The following GABBR2 variants were observed in gnomAD, a reference collection of about 807,000 sequenced individuals.
GABBR2 encodes gamma-aminobutyric acid type B receptor subunit 2.
In GABBR2, 23 loss-of-function variants were observed where a neutral mutation model predicts 105.6. The observed-to-expected ratio is 0.22, with a 90% confidence interval of 0.16 to 0.31. The LOEUF is 0.31. GABBR2 is among the 10% of genes least tolerant of loss of function. The pLI is 1.00. For missense variants in GABBR2, 734 were observed against 1,245.5 expected (o/e 0.59, Z 6.18); for synonymous variants, 478 against 499.7 (o/e 0.96, Z 0.58).
At position 98,607,356 on chromosome 9, in the gene GABBR2, T is replaced by C. The variant is rs142340869; in HGVS notation, c.322-29284A>G. ...CAGGACATGGACTTAAACCATTGAATATTGAGTTTATGAAGCGTTTGCATG... is the reference window on the plus strand; with the variant it reads ...CAGGACATGGACTTAAACCATTGAACATTGAGTTTATGAAGCGTTTGCATG... On this transcript the variant is annotated intron_variant, in intron 1 of 18. Transcript: ENST00000259455. The C allele has an allele frequency of 6.0e-4, 432 of 722,842 alleles. 2 individuals are homozygous for C. In the African/African-American group the frequency reaches 6.4e-3, roughly 11 times the overall value. The allele number at this position is 722,842 out of a possible 1,614,324, so 44.8% of individuals were successfully genotyped here. A position where few individuals can be genotyped will look rare whatever the true frequency, so the allele number is the denominator to read the frequency against.
At chr9:98,457,914 G>C (rs1826354540) in intron 6 of GABBR2, among the ~76,000 whole-genome samples, 1 of 152,202 alleles carries the variant, frequency 6.6e-6, no homozygotes, top group African/African-American at 2.4e-5. Context: ...ACCGAATGCT[G>C]ATTAATTACC....
chr9:98,451,404 A>G (rs1450962220), intron 7 of GABBR2, among the ~76,000 whole-genome samples: 1 of 152,206 alleles, frequency 6.6e-6, no homozygotes, highest in Non-Finnish European at 1.5e-5. Context: ...GTGCTACAGA[A>G]ATGGACTTCG....
chr9:98,667,713 T>C (rs938810632), intron 1 of GABBR2, among the ~76,000 whole-genome samples: 5 of 152,208 alleles, frequency 3.3e-5, no homozygotes, highest in African/African-American at 4.8e-5. Flanking sequence ...TTGTGGAGAA[T>C]AGCCCTGCAA....
At chr9:98,291,926 G>A (rs1392454228) in intron 18 of GABBR2, among the ~76,000 whole-genome samples, 2 of 152,256 alleles carry the variant, frequency 1.3e-5, no homozygotes, top group Non-Finnish European at 2.9e-5. Context: ...CTGGAGGCAA[G>A]ATGGAGCTGG....
At chr9:98,641,183 G>T (rs962900792) in intron 1 of GABBR2, among the ~76,000 whole-genome samples, 7 of 150,896 alleles carry the variant, frequency 4.6e-5, no homozygotes, top group Non-Finnish European at 1.0e-4. Context: ...GCCCAGGCTG[G>T]AGTGCAGTGG....
At chr9:98,467,383 T>G (rs1826581451) in intron 6 of GABBR2, among the ~76,000 whole-genome samples, 1 of 152,134 alleles carries the variant, frequency 6.6e-6, no homozygotes, top group Non-Finnish European at 1.5e-5. Context: ...CCCATGCCCC[T>G]CTGACATAGT....
Position 98,324,076 on chromosome 9 carries a change from C to T in GABBR2, c.1894-12871G>A, listed in dbSNP as rs150510469. On this transcript the variant is annotated intron_variant, in intron 13 of 18. Coordinates refer to ENST00000259455, the MANE Select transcript of GABBR2 (RefSeq NM_005458.8). ...AGCCCAGGAGTGGGCTGGAACTTAC[C>T]CAAGCTCACACATCAAGAATTCAGG... Among the ~76,000 whole-genome samples, 271 of 152,258 alleles carry T rather than the reference C, an allele frequency of 1.8e-3. 2 individuals carry two copies. The highest frequency in any genetic ancestry group is 0.016 in the Admixed American group (249 of 15,288).
intron 11 of GABBR2, among the ~76,000 whole-genome samples, chr9:98,380,337 C>T (rs1831949673): frequency 6.6e-6 from 1 of 152,222 alleles, no homozygotes; most frequent in Admixed American, 6.5e-5. Flanking sequence ...CGCCTGGAGC[C>T]TCCTCATCCT....
chr9:98,295,673 G>A (rs1356161057), intron 17 of GABBR2, among the ~76,000 whole-genome samples: 2 of 152,020 alleles, frequency 1.3e-5, no homozygotes, highest in Non-Finnish European at 2.9e-5. Context: ...CTACAGGCAC[G>A]TGCTACCATG....
intron 13 of GABBR2, among the ~76,000 whole-genome samples, chr9:98,343,727 G>A (rs188380129): frequency 1.3e-5 from 2 of 151,980 alleles, no homozygotes; most frequent in Admixed American, 6.6e-5. Flanking sequence ...GTATGGTGGC[G>A]GACGCCTGTA....
intron 1 of GABBR2, among the ~76,000 whole-genome samples, chr9:98,688,355 C>T (rs1486439739): frequency 2.0e-5 from 3 of 146,762 alleles, no homozygotes; most frequent in African/African-American, 7.6e-5. Flanking sequence ...ACTTTTATGA[C>T]CTATCCAAAT....
intron 7 of GABBR2, among the ~76,000 whole-genome samples, chr9:98,439,112 G>A (rs1268622916): frequency 6.6e-6 from 1 of 151,770 alleles, no homozygotes; most frequent in Non-Finnish European, 1.5e-5. Flanking sequence ...AAAAAAAACT[G>A]AAAAAAGAGT....
intron 1 of GABBR2, among the ~76,000 whole-genome samples, chr9:98,602,754 G>A (rs956103736): frequency 1.3e-5 from 2 of 152,186 alleles, no homozygotes; most frequent in Non-Finnish European, 2.9e-5. Context: ...AAGTTCTCAC[G>A]GAGATGCTCG....
intron 13 of GABBR2, among the ~76,000 whole-genome samples, chr9:98,341,161 C>T (rs904634150): frequency 6.6e-6 from 1 of 152,234 alleles, no homozygotes; most frequent in African/African-American, 2.4e-5. Flanking sequence ...ACTGCAATCT[C>T]TCGTGAATCC....
chr9:98,499,439 G>A (rs1451139630), intron 3 of GABBR2, among the ~76,000 whole-genome samples: 3 of 152,164 alleles, frequency 2.0e-5, no homozygotes, highest in African/African-American at 7.2e-5. Context: ...AACCAGAACA[G>A]GCCAGAACAG....
intron 7 of GABBR2, among the ~76,000 whole-genome samples, chr9:98,430,288 C>CA (rs55760467): frequency 0.064 from 5,655 of 87,986 alleles, 246 homozygotes; most frequent in East Asian, 0.18. Flanking sequence ...GACTCCGTCT[C>CA]AAAAAAAAAA....
intron 1 of GABBR2, among the ~76,000 whole-genome samples, chr9:98,697,401 G>T (rs1051539209): frequency 2.0e-5 from 3 of 151,700 alleles, no homozygotes; most frequent in African/African-American, 7.3e-5. Context: ...GGAGGCAGGA[G>T]AATGGCGTGA....
chr9:98,347,749 G>A (rs539784387), intron 13 of GABBR2, among the ~76,000 whole-genome samples: 168 of 152,190 alleles, frequency 1.1e-3, no homozygotes, highest in Non-Finnish European at 1.9e-3. Flanking sequence ...TGATTTTTGT[G>A]TATGGTGAGA....
intron 14 of GABBR2, among the ~76,000 whole-genome samples, chr9:98,307,152 TTA>T (rs1449099877): frequency 1.3e-5 from 2 of 152,192 alleles, no homozygotes; most frequent in Non-Finnish European, 2.9e-5. Context: ...TGGACTAGGT[TTA>T]CCTGAGAGGA....
Sources: allele counts gnomAD v4.1 joint callset (sites outside exome capture counted in the v4.1 genomes callset), GRCh38; gene constraint gnomAD v4.1.1; transcripts MANE v1.5; gene names NCBI Gene and HGNC (gene_info 2026-07-23, HGNC 2026-07-21).